MCCC2: variants seen among roughly 807,000 people sequenced by gnomAD.
MCCC2 encodes methylcrotonyl-CoA carboxylase subunit 2, also known as methylcrotonoyl-CoA carboxylase beta chain, mitochondrial.
In MCCC2, 52 loss-of-function variants were observed where a neutral mutation model predicts 77.2. The ratio of observed to expected loss-of-function variants is 0.67; its 90% CI spans 0.54 to 0.85. The LOEUF is 0.85. MCCC2 is among the 40% of genes least tolerant of loss of function. The probability of loss-of-function intolerance (pLI) is 0.00; values close to 1 mark genes in which losing one functional copy is unlikely to be tolerated. For synonymous variants in MCCC2, 253 were observed against 248.4 expected (o/e 1.02, Z -0.18); for missense variants, 682 against 703.2 (o/e 0.97, Z 0.34).
chr5:71,618,098 C>A (rs932130867), intron 6 of MCCC2, among the ~76,000 whole-genome samples: 5 of 152,080 alleles, frequency 3.3e-5, no homozygotes, highest in Non-Finnish European at 7.4e-5. Flanking sequence ...TTCTCTGGGC[C>A]TTCTCCATAT....
chr5:71,610,249 G>T (rs460778), intron 6 of MCCC2, among the ~76,000 whole-genome samples: 63,383 of 151,918 alleles, frequency 0.42, 13,597 homozygotes, highest in South Asian at 0.47. Flanking sequence ...CTCCGAGCCA[G>T]GTGCGGGATA....
At chr5:71,603,414 TCAA>T (rs1561824238) in intron 5 of MCCC2, among the ~76,000 whole-genome samples, 2 of 33,952 alleles carry the variant, frequency 5.9e-5, no homozygotes, top group Admixed American at 4.4e-4. Context: ...AGAGACTGTC[TCAA>T]AAAAAAAAAA....
At chr5:71,607,191 G>GAATC (rs1385658149) in intron 6 of MCCC2, among the ~76,000 whole-genome samples, 1 of 152,046 alleles carries the variant, frequency 6.6e-6, no homozygotes, top group African/African-American at 2.4e-5. Flanking sequence ...ATTCGGCTGT[G>GAATC]AATCCATCTG....
chr5:71,587,496 A>T lies in MCCC2; in HGVS notation c.71A>T (p.His24Leu). Residue 24 changes from histidine (H) to leucine (L), a missense_variant, in exon 1 of 17, where the codon CAC becomes CTC. His to Leu is a moderately conservative substitution (Grantham distance 99). Coordinates refer to ENST00000340941, the MANE Select transcript of MCCC2 (RefSeq NM_022132.5). ...RASPAGPRAY[H>L]GDSVASLGTQ... ...TCTCCCGCCGGGCCGCGCGCCTATCACGGGGACTCGGTGGCCTCGCTGGGC... is the reference window on the plus strand; with the variant it reads ...TCTCCCGCCGGGCCGCGCGCCTATCTCGGGGACTCGGTGGCCTCGCTGGGC... The T allele has an allele frequency of 3.9e-6, 6 of 1,537,702 alleles. No individual in the cohort carries two copies. The highest frequency in any genetic ancestry group is 5.2e-6 in the Non-Finnish European group (6 of 1,146,464).
chr5:71,599,709 A>G lies in MCCC2; in HGVS notation c.332A>G (p.Asn111Ser), dbSNP rs1745346677. ...SQFAGYQLYD[N>S]EEVPGGGIIT... ...TTTGCAGGTTACCAGTTATATGACA[A>G]TGAGGAGGTGCCAGGAGGTGGCATT... The change falls in exon 4 of 17, where the codon AAT becomes AGT. Residue 111 changes from asparagine to serine, a missense_variant. Physicochemically the swap from Asn to Ser is conservative, Grantham distance 46. Coordinates refer to ENST00000340941, the MANE Select transcript of MCCC2 (RefSeq NM_022132.5). 7 of 1,614,130 alleles carry G rather than the reference A, an allele frequency of 4.3e-6. No homozygotes were observed. Among genetic ancestry groups the G allele is most frequent in the South Asian group, 1.1e-5 (1 of 91,070 alleles).
intron 12 of MCCC2, 25 bp downstream of exon 12, chr5:71,643,920 A>G (rs1252611591): frequency 6.2e-6 from 10 of 1,613,508 alleles, no homozygotes; most frequent in East Asian, 2.2e-5. Context: ...AAATATTTCA[A>G]GATTTTCTGT....
intron 12 of MCCC2, among the ~76,000 whole-genome samples, chr5:71,644,857 C>T (rs1747235071): frequency 6.6e-6 from 1 of 151,916 alleles, no homozygotes; most frequent in African/African-American, 2.4e-5. Flanking sequence ...ACTCCTTCAA[C>T]TTGATTATAA....
Position 71,640,984 on chromosome 5 carries a change from T to C in MCCC2, c.1000-19T>C. On this transcript the variant is annotated intron_variant, in intron 10 of 16. Transcript: ENST00000340941. ...TTTGCAATATAATTTCTCAAGGCCA[T>C]TGTTGTTTTTCCTCTTAGGTCATTG... is the stretch of plus-strand genomic sequence containing the variant. The C allele has an allele frequency of 6.2e-7, 1 of 1,607,594 alleles. No homozygotes were observed. The highest frequency in any genetic ancestry group is 1.3e-5 in the African/African-American group (1 of 74,912).
At chr5:71,626,544 C>A in intron 6 of MCCC2, 96 bp from the exon 7 acceptor site, 1 of 914,716 alleles carries the variant, frequency 1.1e-6, no homozygotes, top group Non-Finnish European at 1.8e-6. Context: ...GTAATATCCC[C>A]TGGTCACTGC....
chr5:71,609,924 T>G (rs1487270375), intron 6 of MCCC2, among the ~76,000 whole-genome samples: 1 of 151,976 alleles, frequency 6.6e-6, no homozygotes, highest in Non-Finnish European at 1.5e-5. Flanking sequence ...AGTCTGCCCG[T>G]TCTCAGATCT....
rs537439046 is a variant in MCCC2 at position 71,592,028 on chromosome 5, A to G, written c.130-898A>G. On this transcript the variant is annotated intron_variant, in intron 1 of 16. Coordinates refer to ENST00000340941, the MANE Select transcript of MCCC2 (RefSeq NM_022132.5). ...AGCGATGCTCCTGCCTCCGCCTTCC[A>G]AAGCTCTGGGATAACAGACATAAGC... Among the ~76,000 whole-genome samples the G allele has an allele frequency of 3.3e-5, 5 of 152,280 alleles. No individual in the cohort carries two copies. In the South Asian group the frequency reaches 8.3e-4, roughly 25 times the overall value.
At chr5:71,622,578 C>A (rs1164488223) in intron 6 of MCCC2, among the ~76,000 whole-genome samples, 7 of 152,174 alleles carry the variant, frequency 4.6e-5, no homozygotes, top group Non-Finnish European at 1.0e-4. Flanking sequence ...CCCATTTCTA[C>A]CCAGTCCCCT....
At chr5:71,604,530 A>G in intron 6 of MCCC2, 62 bp downstream of exon 6, 1 of 1,245,378 alleles carries the variant, frequency 8.0e-7, no homozygotes, top group Non-Finnish European at 1.2e-6. Flanking sequence ...TTTACGAATT[A>G]GGTACTCTGG....
intron 11 of MCCC2, among the ~76,000 whole-genome samples, chr5:71,642,728 G>GT (rs1301334469): frequency 1.3e-5 from 2 of 152,248 alleles, no homozygotes; most frequent in East Asian, 3.8e-4. Context: ...AATTGCTTCT[G>GT]TAAGTGGCAG....
chr5:71,592,834 C>T lies in MCCC2; in HGVS notation c.130-92C>T. The T allele has an allele frequency of 3.0e-6, 3 of 1,003,502 alleles. No individual in the cohort carries two copies. In the South Asian group the frequency reaches 4.0e-5, roughly 14 times the overall value. The allele number at this position is 1,003,502 out of a possible 1,614,324, so 62.2% of individuals were successfully genotyped here. On this transcript the variant is annotated intron_variant, in intron 1 of 16. Transcript: ENST00000340941. ...GCGGCCACACAGAGTTGGCACAGAC[C>T]ACTGTTTTTTTTTTTTTTTTGACCT...
chr5:71,596,024 C>T (rs527872200), intron 2 of MCCC2, among the ~76,000 whole-genome samples: 2 of 152,118 alleles, frequency 1.3e-5, no homozygotes, highest in South Asian at 4.2e-4. Context: ...TATGTAACTA[C>T]TAGTGAATTC....
chr5:71,589,323 A>G (rs1744882457), intron 1 of MCCC2, among the ~76,000 whole-genome samples: 1 of 152,238 alleles, frequency 6.6e-6, no homozygotes, highest in African/African-American at 2.4e-5. Context: ...GTAACTCACA[A>G]CAGTAAATAT....
chr5:71,610,501 G>C lies in MCCC2; in HGVS notation c.624+6033G>C, dbSNP rs546785747. ...TTAGTGAGATGAACCCAGTACCTCA[G>C]ATGGAAATGCAGAAATCACCCGTCT... On this transcript the variant is annotated intron_variant, in intron 6 of 16. Coordinates refer to ENST00000340941, the MANE Select transcript of MCCC2 (RefSeq NM_022132.5). Among the ~76,000 whole-genome samples the C allele has an allele frequency of 8.5e-5, 13 of 152,294 alleles. No homozygotes were observed. The East Asian group carries it at 1.4e-3, about 16-fold the overall frequency.
At chr5:71,630,732 A>G (rs277978) in intron 7 of MCCC2, among the ~76,000 whole-genome samples, 57,543 of 151,940 alleles carry the variant, frequency 0.38, 11,730 homozygotes, top group South Asian at 0.47. Context: ...TGATGTAGAG[A>G]GTAATAAGTT....
Sources: allele counts gnomAD v4.1 joint callset (sites outside exome capture counted in the v4.1 genomes callset), GRCh38; gene constraint gnomAD v4.1.1; transcripts MANE v1.5; gene names NCBI Gene and HGNC (gene_info 2026-07-23, HGNC 2026-07-21).